Variants in CFHR3 observed in about 807,000 individuals in gnomAD.
CFHR3 encodes the protein complement factor H-related protein 3.
In CFHR3, 22 loss-of-function variants were observed where a neutral mutation model predicts 36.0. That is an observed-to-expected ratio of 0.61 (90% CI 0.44 to 0.87). The LOEUF (loss-of-function observed/expected upper bound fraction) is 0.87, where lower values mean the gene tolerates loss of function less well. Among genes scored for constraint, CFHR3 ranks in the 40% least tolerant of loss-of-function variants. CFHR3 has a pLI of 0.00. For synonymous variants in CFHR3, 97 were observed against 137.4 expected (o/e 0.71, Z 2.06); for missense variants, 276 against 401.3 (o/e 0.69, Z 2.67).
In CFHR3 at chr1:196,783,857, T is replaced by C. The variant is rs1310130592; in HGVS notation, c.430+3884T>C. 2.9e-5 allele frequency among the ~76,000 whole-genome samples: 4 copies of C among 135,874 alleles called. 2 individuals carry two copies. Among genetic ancestry groups the C allele is most frequent in the African/African-American group, 1.2e-4 (4 of 32,212 alleles). 89.1% of individuals were successfully genotyped at this position (135,874 alleles called of 152,430 possible). A position where few individuals can be genotyped will look rare whatever the true frequency, so the allele number is the denominator to read the frequency against. On this transcript the variant is annotated intron_variant, in intron 3 of 5. Coordinates refer to ENST00000367425, the MANE Select transcript of CFHR3 (RefSeq NM_021023.6). The stretch of plus-strand genomic sequence containing the variant: ...TTGCCTTCTGCTAGCTTTGAATGTG[T>C]TTGCTCTTGCTTTTCTAGTTCTTTT...
In CFHR3 at chr1:196,779,592, T is replaced by C. The variant is rs1016344039; in HGVS notation, c.254-205T>C. Among the ~76,000 whole-genome samples the C allele has an allele frequency of 4.4e-5, 6 of 137,040 alleles. 1 individual carries two copies. Among genetic ancestry groups the C allele is most frequent in the African/African-American group, 1.8e-4 (6 of 32,882 alleles). The allele number at this position is 137,040 out of a possible 152,430, so 89.9% of individuals were successfully genotyped here. ...ATATAGTTTATACATATTTTAATTA[T>C]GAAAACTAAAGAGAAGTAATATTAA... On this transcript the variant is annotated intron_variant, in intron 2 of 5. Transcript: ENST00000367425.
chr1:196,775,693 A>T (rs990075376), intron 1 of CFHR3, among the ~76,000 whole-genome samples: 1 of 137,154 alleles, frequency 7.3e-6, no homozygotes, highest in African/African-American at 3.0e-5. Flanking sequence ...GGCCTTGCAT[A>T]TTAAAGAACT....
At position 196,792,908 on chromosome 1, in the gene CFHR3, C is replaced by T. The variant is rs185864933; in HGVS notation, c.797-409C>T. Among the ~76,000 whole-genome samples the T allele has an allele frequency of 9.3e-4, 127 of 136,652 alleles. 16 individuals carry two copies. The East Asian group carries it at 0.022, about 24-fold the overall frequency. The allele number at this position is 136,652 out of a possible 152,430, so 89.6% of individuals were successfully genotyped here. On this transcript the variant is annotated intron_variant, in intron 5 of 5. Transcript: ENST00000367425. Reference sequence around the variant, plus strand: ...AAATATAAACATAGAATTAAATTAGCAAAATGTGAGTACATTTGGAGTGCT... The same window carrying T: ...AAATATAAACATAGAATTAAATTAGTAAAATGTGAGTACATTTGGAGTGCT...
Position 196,776,662 on chromosome 1 carries a change from C to T in CFHR3, c.58+1718C>T, listed in dbSNP as rs527581050. On this transcript the variant is annotated intron_variant, in intron 1 of 5. Transcript: ENST00000367425. Reference sequence around the variant, plus strand: ...GAGGAGGTCTCAGAAGCATCCAATCCTGTTGACAGCTATATCTCAAACTAG... The same window carrying T: ...GAGGAGGTCTCAGAAGCATCCAATCTTGTTGACAGCTATATCTCAAACTAG... 2.2e-5 allele frequency among the ~76,000 whole-genome samples: 3 copies of T among 136,764 alleles called. 1 individual carries two copies. The highest frequency in any genetic ancestry group is 2.0e-4 in the East Asian group (1 of 5,110). 89.7% of individuals were successfully genotyped at this position (136,764 alleles called of 152,430 possible).
At chr1:196,784,941 C>T (rs1400091620) in intron 3 of CFHR3, among the ~76,000 whole-genome samples, 1 of 136,438 alleles carries the variant, frequency 7.3e-6, no homozygotes, top group Non-Finnish European at 1.6e-5. Flanking sequence ...GTGGCTGGTA[C>T]CAGTTGTTCC....
Position 196,790,202 on chromosome 1 carries a change from G to C in CFHR3, c.771G>C (p.Glu257Asp). ...ATTATGTAACATGTAGTAATGGAGA[G>C]TGGTCGGAACCACCAAGATGCATAC... ...GSNYVTCSNG[E>D]WSEPPRCIHP... The change falls in exon 5 of 6, where the codon GAG becomes GAC. Residue 257 changes from glutamate to aspartate, a missense_variant. Glu to Asp is a conservative substitution (Grantham distance 45). Coordinates refer to ENST00000367425, the MANE Select transcript of CFHR3 (RefSeq NM_021023.6). 2.2e-6 allele frequency: 3 copies of C among 1,362,186 alleles called. No homozygotes were observed. The highest frequency in any genetic ancestry group is 2.0e-6 in the Non-Finnish European group (2 of 1,025,034). The allele number at this position is 1,362,186 out of a possible 1,614,324, so 84.4% of individuals were successfully genotyped here.
At chr1:196,779,438 T>G (rs1653856604) in intron 2 of CFHR3, 82 bp downstream of exon 2, 1 of 1,118,380 alleles carries the variant, frequency 8.9e-7, no homozygotes, top group Non-Finnish European at 1.3e-6. Context: ...ATTACTCTTG[T>G]CTTATGTAAC....
At chr1:196,792,987 A>G (rs411854) in intron 5 of CFHR3, among the ~76,000 whole-genome samples, 36,703 of 133,244 alleles carry the variant, frequency 0.28, 10,277 homozygotes, top group East Asian at 0.5. Context: ...CATGACTCCA[A>G]TGGAACATGT....
chr1:196,794,107 G>A lies in CFHR3; in HGVS notation c.*594G>A, dbSNP rs1317732424. ...AAAAGAGGTTTTGCTAACCCTTTCA[G>A]AGCATTGGGAACACAGCCAGAAGTG... On this transcript the variant is annotated 3_prime_UTR_variant, in exon 6 of 6. Coordinates refer to ENST00000367425, the MANE Select transcript of CFHR3 (RefSeq NM_021023.6). The A allele has an allele frequency of 1.4e-5, 2 of 141,904 alleles. 1 individual carries two copies. Among genetic ancestry groups the A allele is most frequent in the Non-Finnish European group, 2.9e-5 (2 of 67,938 alleles). The allele number at this position is 141,904 out of a possible 1,614,324, so 8.8% of individuals were successfully genotyped here.
rs1039895678 is a variant in CFHR3, at chr1:196,793,497, A to T, written c.977A>T (p.Tyr326Phe). 6.6e-7 allele frequency: 1 copy of T among 1,525,316 alleles called. No homozygotes were observed. The allele number at this position is 1,525,316 out of a possible 1,614,324, so 94.5% of individuals were successfully genotyped here. The change falls in exon 6 of 6, where the codon TAC becomes TTC. Residue 326 changes from tyrosine (Y) to phenylalanine (F), a missense_variant. Tyr to Phe is a conservative substitution (Grantham distance 22). This residue lies in a region of CFHR3 where 76 missense variants were observed against 79.8 expected (regional missense o/e 0.95). Coordinates refer to ENST00000367425, the MANE Select transcript of CFHR3 (RefSeq NM_021023.6). ...QAVCREGIVE[Y>F]PRCE ...GTGTGTCGGGAAGGGATAGTGGAAT[A>T]CCCCAGATGCGAATAAGGCAGCATT...
rs1654465595 is a variant in CFHR3, at chr1:196,792,842, C to A, written c.797-475C>A. Among the ~76,000 whole-genome samples, 3 of 136,820 alleles carry A rather than the reference C, an allele frequency of 2.2e-5. 1 individual carries two copies. The South Asian group carries it at 7.5e-4, about 34-fold the overall frequency. 89.8% of individuals were successfully genotyped at this position (136,820 alleles called of 152,430 possible). The stretch of plus-strand genomic sequence containing the variant: ...ACAGATGACTATTAGAAAGATTATA[C>A]CTTTCTACAGTTCTGTTTCTACATT... On this transcript the variant is annotated intron_variant, in intron 5 of 5. Transcript: ENST00000367425.
At position 196,779,898 on chromosome 1, in the gene CFHR3, G is replaced by A. The variant is rs184061405; in HGVS notation, c.355G>A (p.Gly119Ser). Residue 119 changes from glycine (G) to serine (S), a missense_variant, in exon 3 of 6, where the codon GGT becomes AGT. Gly to Ser is a moderately conservative substitution (Grantham distance 56). Coordinates refer to ENST00000367425, the MANE Select transcript of CFHR3 (RefSeq NM_021023.6). The part of the protein sequence containing the change: ...STEVACHPGY[G>S]LPKAQTTVTC... ...AGAAGTTGCCTGCCATCCTGGCTACGGTCTTCCAAAAGCGCAGACCACAGT... is the reference window on the plus strand; with the variant it reads ...AGAAGTTGCCTGCCATCCTGGCTACAGTCTTCCAAAAGCGCAGACCACAGT... The A allele has an allele frequency of 1.7e-5, 26 of 1,533,098 alleles. 5 individuals carry two copies. In the East Asian group the frequency reaches 4.5e-4, roughly 26 times the overall value. The allele number at this position is 1,533,098 out of a possible 1,614,324, so 95.0% of individuals were successfully genotyped here.
In CFHR3 at chr1:196,786,064, C is replaced by A. The variant is rs1222256363; in HGVS notation, c.431-2152C>A. Among the ~76,000 whole-genome samples, 6 of 136,550 alleles carry A rather than the reference C, an allele frequency of 4.4e-5. 2 individuals carry two copies. The highest frequency in any genetic ancestry group is 1.8e-4 in the African/African-American group (6 of 32,478). 89.6% of individuals were successfully genotyped at this position (136,550 alleles called of 152,430 possible). On this transcript the variant is annotated intron_variant, in intron 3 of 5. Transcript: ENST00000367425. The stretch of plus-strand genomic sequence containing the variant: ...AGGTCTGTTGGAGTTTGCTAGAGGT[C>A]CACTCTAGACCCTGTTTGCCTGGGT...
chr1:196,791,517 C>A (rs1266066944), intron 5 of CFHR3, among the ~76,000 whole-genome samples: 1 of 113,592 alleles, frequency 8.8e-6, no homozygotes, highest in Non-Finnish European at 1.7e-5. Context: ...ATGATACAAG[C>A]AGTTGTTTTC....
At chr1:196,775,899 T>C (rs1056447248) in intron 1 of CFHR3, among the ~76,000 whole-genome samples, 4 of 136,890 alleles carry the variant, frequency 2.9e-5, no homozygotes, top group African/African-American at 1.2e-4. Context: ...TTCGCGAAGC[T>C]ATGCCACTTT....
rs763538801 is a variant in CFHR3 at position 196,779,172 on chromosome 1, T to G, written c.69T>G (p.Cys23Trp). ...VSCANGQVKP[C>W]DFPDIKHGGL... ...GTTTTTTATTGCAAGTGAAACCTTGTGATTTTCCAGACATTAAACATGGAG... is the reference window on the plus strand; with the variant it reads ...GTTTTTTATTGCAAGTGAAACCTTGGGATTTTCCAGACATTAAACATGGAG... Residue 23 changes from cysteine to tryptophan, a missense_variant, in exon 2 of 6, where the codon TGT (cysteine) becomes TGG (tryptophan). Physicochemically the swap from Cys to Trp is radical, Grantham distance 215 (BLOSUM62 -2). Coordinates refer to ENST00000367425, the MANE Select transcript of CFHR3 (RefSeq NM_021023.6). 2.0e-6 allele frequency: 3 copies of G among 1,525,208 alleles called. No homozygotes were observed. The highest frequency in any genetic ancestry group is 4.5e-5 in the East Asian group (2 of 44,606). 94.5% of individuals were successfully genotyped at this position (1,525,208 alleles called of 1,614,324 possible). A position where few individuals can be genotyped will look rare whatever the true frequency, so the allele number is the denominator to read the frequency against.
rs1407716695 is a variant in CFHR3, at chr1:196,785,450, G to A, written c.431-2766G>A. 3.0e-5 allele frequency among the ~76,000 whole-genome samples: 4 copies of A among 134,926 alleles called. No individual in the cohort carries two copies. In the East Asian group the frequency reaches 5.9e-4, roughly 20 times the overall value. The allele number at this position is 134,926 out of a possible 152,430, so 88.5% of individuals were successfully genotyped here. ...TCACTTTCAGGTACACCAATCAGATGTAGATTTGGTCTTTTCACATAGTCC... is the reference window on the plus strand; with the variant it reads ...TCACTTTCAGGTACACCAATCAGATATAGATTTGGTCTTTTCACATAGTCC... On this transcript the variant is annotated intron_variant, in intron 3 of 5. Transcript: ENST00000367425.
chr1:196,790,113 G>T lies in CFHR3; in HGVS notation c.682G>T (p.Val228Leu), dbSNP rs1255177528. The T allele has an allele frequency of 7.3e-7, 1 of 1,372,064 alleles. No individual in the cohort carries two copies. The highest frequency in any genetic ancestry group is 2.1e-5 in the Admixed American group (1 of 47,970). 85.0% of individuals were successfully genotyped at this position (1,372,064 alleles called of 1,614,324 possible). A position where few individuals can be genotyped will look rare whatever the true frequency, so the allele number is the denominator to read the frequency against. The change falls in exon 5 of 6, where the codon GTG (valine) becomes TTG (leucine). Residue 228 changes from valine to leucine, a missense_variant. This residue lies in a region of CFHR3 where 22 missense variants were observed against 74.3 expected (regional missense o/e 0.30). Transcript: ENST00000367425. ...TGATACCACCTCCTTTCTACTAAAA[G>T]TGTATGTGCCACAGTCAAGAGTCGA... Reference protein sequence around the residue: ...NGDTTSFLLKVYVPQSRVEYQ... With the variant: ...NGDTTSFLLKLYVPQSRVEYQ...
chr1:196,777,315 T>A (rs2124838215), intron 1 of CFHR3, among the ~76,000 whole-genome samples: 1 of 137,500 alleles, frequency 7.3e-6, no homozygotes, highest in Non-Finnish European at 1.5e-5. Context: ...AAACTTTATA[T>A]TCATCTACTA....
Sources: gnomAD v4.1 joint callset for allele counts (sites outside exome capture counted in the v4.1 genomes callset) on GRCh38, gnomAD v4.1.1 for gene constraint, gnomAD v4.1.1 regional missense constraint, MANE v1.5 for transcripts, NCBI Gene and HGNC (gene_info 2026-07-23, HGNC 2026-07-21) for gene names.